POU2F1: variants seen among roughly 807,000 people sequenced by gnomAD.
POU2F1 encodes the protein POU class 2 homeobox 1.
In POU2F1, 16 loss-of-function variants were observed where a neutral mutation model predicts 84.9. That is an observed-to-expected ratio of 0.19 (90% CI 0.13 to 0.29). The LOEUF (loss-of-function observed/expected upper bound fraction) is 0.29. Among genes scored for constraint, POU2F1 ranks in the 10% least tolerant of loss-of-function variants. The pLI, the probability that POU2F1 is intolerant of heterozygous loss-of-function variation, is 1.00. For synonymous variants in POU2F1, 368 were observed against 368.3 expected (o/e 1.00, Z 0.01); for missense variants, 738 against 942.6 (o/e 0.78, Z 2.84).
intron 1 of POU2F1, among the ~76,000 whole-genome samples, chr1:167,290,522 G>T (rs1653850229): frequency 6.6e-6 from 1 of 152,208 alleles, no homozygotes; most frequent in South Asian, 2.1e-4. Flanking sequence ...GATTCTATAT[G>T]TCTGTCCTAA....
intron 1 of POU2F1, among the ~76,000 whole-genome samples, chr1:167,225,140 C>T (rs1423029134): frequency 6.6e-6 from 1 of 152,162 alleles, no homozygotes; most frequent in Middle Eastern, 3.2e-3. Context: ...TTGTCACTTT[C>T]TTAACTCTCC....
intron 1 of POU2F1, among the ~76,000 whole-genome samples, chr1:167,294,287 T>TG (rs1231397368): frequency 6.6e-6 from 1 of 151,784 alleles, no homozygotes; most frequent in African/African-American, 2.4e-5. Flanking sequence ...AGGCGGATCT[T>TG]GCAGTGAGCC....
intron 2 of POU2F1, among the ~76,000 whole-genome samples, chr1:167,349,515 C>G (rs568552418): frequency 6.6e-6 from 1 of 152,092 alleles, no homozygotes; most frequent in African/African-American, 2.4e-5. Context: ...TTATTTTTGT[C>G]TCTCCACTGC....
chr1:167,361,197 C>G (rs1424121656), intron 2 of POU2F1, among the ~76,000 whole-genome samples: 1 of 152,108 alleles, frequency 6.6e-6, no homozygotes, highest in Admixed American at 6.5e-5. Flanking sequence ...ATTGCTCTGG[C>G]AAGGACTTTC....
intron 7 of POU2F1, chr1:167,380,122 A>G (rs538044765): frequency 7.9e-5 from 12 of 152,354 alleles, no homozygotes; most frequent in Admixed American, 6.5e-4. Context: ...ATTATAATGT[A>G]GTAGCAAAGA....
At chr1:167,341,782 G>A (rs185439440) in intron 2 of POU2F1, among the ~76,000 whole-genome samples, 273 of 152,260 alleles carry the variant, frequency 1.8e-3, no homozygotes, top group African/African-American at 6.2e-3. Flanking sequence ...GTCCTTGTGC[G>A]GCGTCCAGGA....
In POU2F1 at chr1:167,286,315, C is replaced by A. The variant is rs545324577; in HGVS notation, c.62-46155C>A. On this transcript the variant is annotated intron_variant, in intron 1 of 15. Transcript: ENST00000367866. Reference sequence around the variant, plus strand: ...CAAATCAGATACCTGTCAGTTTTGCCCCTAAAACACATGTAAAGTCTATCC... The same window carrying A: ...CAAATCAGATACCTGTCAGTTTTGCACCTAAAACACATGTAAAGTCTATCC... Among the ~76,000 whole-genome samples the A allele has an allele frequency of 8.5e-5, 13 of 152,192 alleles. No individual in the cohort carries two copies. The East Asian group carries it at 2.5e-3, about 29-fold the overall frequency.
At chr1:167,283,446 C>T (rs1653303914) in intron 1 of POU2F1, among the ~76,000 whole-genome samples, 1 of 152,084 alleles carries the variant, frequency 6.6e-6, no homozygotes, top group East Asian at 1.9e-4. Flanking sequence ...TTACACATAA[C>T]ATGATTAGAA....
intron 1 of POU2F1, among the ~76,000 whole-genome samples, chr1:167,281,026 T>A (rs1274165257): frequency 6.6e-6 from 1 of 152,216 alleles, no homozygotes; most frequent in African/African-American, 2.4e-5. Flanking sequence ...CAAAGCTAAG[T>A]ATCTTAAATG....
At chr1:167,392,913 C>T (rs1330324317) in intron 9 of POU2F1, among the ~76,000 whole-genome samples, 1 of 152,064 alleles carries the variant, frequency 6.6e-6, no homozygotes, top group African/African-American at 2.4e-5. Context: ...AAGTTTTAGC[C>T]ATTAAAGTTA....
chr1:167,279,877 A>G (rs1411022489), intron 1 of POU2F1, among the ~76,000 whole-genome samples: 1 of 152,186 alleles, frequency 6.6e-6, no homozygotes, highest in Non-Finnish European at 1.5e-5. Flanking sequence ...AACATAGGAT[A>G]AGCACTCTGA....
At chr1:167,276,203 A>T (rs1301062075) in intron 1 of POU2F1, among the ~76,000 whole-genome samples, 1 of 152,182 alleles carries the variant, frequency 6.6e-6, no homozygotes, top group Non-Finnish European at 1.5e-5. Context: ...CGAGGACGTG[A>T]ATCTTTCCTT....
chr1:167,377,222 C>T (rs1660385890), intron 7 of POU2F1, among the ~76,000 whole-genome samples: 1 of 152,142 alleles, frequency 6.6e-6, no homozygotes, highest in African/African-American at 2.4e-5. Flanking sequence ...ATTAAAGAAC[C>T]TTAGATTAAG....
intron 1 of POU2F1, among the ~76,000 whole-genome samples, chr1:167,319,223 T>C (rs560987460): frequency 3.9e-5 from 6 of 152,170 alleles, no homozygotes; most frequent in Non-Finnish European, 7.3e-5. Context: ...CCAGATAGGC[T>C]GCTGGTTTTG....
intron 1 of POU2F1, among the ~76,000 whole-genome samples, chr1:167,328,381 G>A (rs977244361): frequency 1.3e-5 from 2 of 152,176 alleles, no homozygotes; most frequent in Non-Finnish European, 2.9e-5. Context: ...TCTCTTGACG[G>A]AAGTGTGTTA....
chr1:167,323,913 G>A (rs532178131), intron 1 of POU2F1, among the ~76,000 whole-genome samples: 32 of 151,944 alleles, frequency 2.1e-4, no homozygotes, highest in Non-Finnish European at 4.6e-4. Context: ...GGCTAATCTC[G>A]AACTCCAGAG....
At chr1:167,314,012 G>T (rs1343985562) in intron 1 of POU2F1, among the ~76,000 whole-genome samples, 1 of 151,868 alleles carries the variant, frequency 6.6e-6, no homozygotes, top group Admixed American at 6.6e-5. Flanking sequence ...GCCTGGCCAA[G>T]ATGGTGAAAC....
At chr1:167,309,717 G>C (rs997184018) in intron 1 of POU2F1, among the ~76,000 whole-genome samples, 1 of 152,044 alleles carries the variant, frequency 6.6e-6, no homozygotes, top group Non-Finnish European at 1.5e-5. Context: ...AATTCTTTGA[G>C]ATTTTTAAAA....
At chr1:167,261,213 G>T (rs1651544766) in intron 1 of POU2F1, among the ~76,000 whole-genome samples, 1 of 152,158 alleles carries the variant, frequency 6.6e-6, no homozygotes, top group Non-Finnish European at 1.5e-5. Context: ...ATAAGGACTA[G>T]TTACAGTTTA....
Sources: gnomAD v4.1 joint callset for allele counts (sites outside exome capture counted in the v4.1 genomes callset) on GRCh38, gnomAD v4.1.1 for gene constraint, MANE v1.5 for transcripts, NCBI Gene and HGNC (gene_info 2026-07-23, HGNC 2026-07-21) for gene names.